The following CYS1 variants were observed in gnomAD, a reference collection of about 807,000 sequenced individuals.
The protein encoded by CYS1 is cystin 1, also known as cystin-1.
CYS1 carries 5 observed loss-of-function variants against 9.6 expected under a neutral mutation model. The ratio of observed to expected loss-of-function variants is 0.52; its 90% CI spans 0.27 to 1.10. CYS1 has a LOEUF of 1.10. CYS1 is among the 50% of genes least tolerant of loss of function. CYS1 has a pLI of 0.11. For missense variants in CYS1, 221 were observed against 207.9 expected (o/e 1.06, Z -0.39); for synonymous variants, 88 against 95.7 (o/e 0.92, Z 0.47).
chr2:10,079,089 C>A (rs936839356), intron 1 of CYS1, among the ~76,000 whole-genome samples: 1 of 152,190 alleles, frequency 6.6e-6, no homozygotes, highest in African/African-American at 2.4e-5. Flanking sequence ...TCTTTAAAGA[C>A]CGTAAGGGAG....
At chr2:10,064,146 C>T (rs534616519) in intron 2 of CYS1, among the ~76,000 whole-genome samples, 1 of 152,178 alleles carries the variant, frequency 6.6e-6, no homozygotes, top group South Asian at 2.1e-4. Context: ...TTGCTTGAAC[C>T]CGGGTGGTGG....
intron 1 of CYS1, among the ~76,000 whole-genome samples, chr2:10,073,708 TG>T (rs1390498139): frequency 6.6e-6 from 1 of 152,208 alleles, no homozygotes; most frequent in Non-Finnish European, 1.5e-5. Context: ...AGTTAGGGTC[TG>T]CCCCAGCCCT....
chr2:10,064,714 A>T (rs534412299), intron 2 of CYS1, among the ~76,000 whole-genome samples: 1 of 150,808 alleles, frequency 6.6e-6, no homozygotes, highest in Admixed American at 6.6e-5. Context: ...TTATATTTTT[A>T]TTTATTTATT....
At chr2:10,065,826 A>T in intron 2 of CYS1, 78 bp downstream of exon 2, 2 of 1,422,554 alleles carry the variant, frequency 1.4e-6, no homozygotes. Context: ...AGTGGGGGAC[A>T]GGAGGGCTCT....
At chr2:10,071,901 GTGTA>G (rs1185388414) in intron 1 of CYS1, among the ~76,000 whole-genome samples, 1 of 152,300 alleles carries the variant, frequency 6.6e-6, no homozygotes, top group South Asian at 2.1e-4. Context: ...CTGTTTGTAT[GTGTA>G]TGTTTGTGTG....
intron 1 of CYS1, among the ~76,000 whole-genome samples, chr2:10,075,691 G>A (rs753822429): frequency 3.9e-5 from 6 of 152,136 alleles, no homozygotes; most frequent in Non-Finnish European, 7.3e-5. Flanking sequence ...AGAATTATCC[G>A]GATGCTCCAT....
intron 2 of CYS1, among the ~76,000 whole-genome samples, chr2:10,061,669 G>A (rs984268398): frequency 6.6e-6 from 1 of 152,224 alleles, no homozygotes; most frequent in African/African-American, 2.4e-5. Flanking sequence ...ACTGGCGCAA[G>A]GGAAGCTGAC....
intron 1 of CYS1, among the ~76,000 whole-genome samples, chr2:10,075,211 T>C (rs528767125): frequency 1.3e-5 from 2 of 152,188 alleles, no homozygotes; most frequent in Non-Finnish European, 2.9e-5. Flanking sequence ...TGGAACACAT[T>C]AGTGATCCTT....
At chr2:10,066,219 G>A (rs1013631076) in intron 1 of CYS1, among the ~76,000 whole-genome samples, 3 of 152,316 alleles carry the variant, frequency 2.0e-5, no homozygotes, top group East Asian at 1.9e-4. Context: ...CCTCCCAGAC[G>A]GCCACCCATG....
chr2:10,080,118 G>A lies in CYS1; in HGVS notation c.106C>T (p.Arg36Trp), dbSNP rs769316705. The change falls in exon 1 of 3, where the codon CGG becomes TGG. Residue 36 changes from arginine to tryptophan, a missense_variant. By Grantham distance (101) the Arg-to-Trp change is moderately radical. Transcript: ENST00000381813. This position sits in a 1 kb window ranked among gnomAD's most constrained non-coding sequence, Gnocchi z 6.4. ...TCGGCCGCCGCCACCGGCACCCGCC[G>A]GCGGGTCCCGCCCTCCAGGGCTGCC... The part of the protein sequence containing the change: ...GAAALEGGTR[R>W]RVPVAAAEVP... 9.7e-7 allele frequency: 1 copy of A among 1,027,572 alleles called. No individual in the cohort carries two copies. The highest frequency in any genetic ancestry group is 1.2e-6 in the Non-Finnish European group (1 of 858,938). The allele number at this position is 1,027,572 out of a possible 1,614,324, so 63.7% of individuals were successfully genotyped here. A position where few individuals can be genotyped will look rare whatever the true frequency, so the allele number is the denominator to read the frequency against.
At chr2:10,062,906 C>CA (rs1409509224) in intron 2 of CYS1, among the ~76,000 whole-genome samples, 2 of 152,216 alleles carry the variant, frequency 1.3e-5, no homozygotes, top group Non-Finnish European at 2.9e-5. Context: ...CAGCTGCAGA[C>CA]AGAAGTTTCT....
intron 2 of CYS1, among the ~76,000 whole-genome samples, chr2:10,062,056 G>GA (rs1375598905): frequency 4.0e-5 from 6 of 151,630 alleles, no homozygotes; most frequent in Admixed American, 6.6e-5. Flanking sequence ...CACCCAGGCT[G>GA]AAATGCAGTG....
At chr2:10,067,288 G>C (rs964006399) in intron 1 of CYS1, among the ~76,000 whole-genome samples, 1 of 152,012 alleles carries the variant, frequency 6.6e-6, no homozygotes, top group Non-Finnish European at 1.5e-5. Flanking sequence ...AAAGTGCTGG[G>C]ATTACAGGCG....
chr2:10,074,565 G>A (rs1661817345), intron 1 of CYS1, among the ~76,000 whole-genome samples: 2 of 152,198 alleles, frequency 1.3e-5, no homozygotes, highest in Admixed American at 6.5e-5. Context: ...AAAGAGTTGG[G>A]AGGAAGGGAA....
At chr2:10,066,253 G>A (rs1436105019) in intron 1 of CYS1, among the ~76,000 whole-genome samples, 1 of 150,460 alleles carries the variant, frequency 6.6e-6, no homozygotes, top group Non-Finnish European at 1.5e-5. Context: ...TCACCCCCAG[G>A]GGTCATGTGA....
At chr2:10,059,979 G>T (rs1056925735) in intron 2 of CYS1, among the ~76,000 whole-genome samples, 2 of 152,288 alleles carry the variant, frequency 1.3e-5, no homozygotes, top group African/African-American at 4.8e-5. Context: ...GGACACCTGG[G>T]TGGTGCTGAC....
intron 2 of CYS1, among the ~76,000 whole-genome samples, chr2:10,065,614 T>C (rs910184650): frequency 3.3e-5 from 5 of 152,246 alleles, no homozygotes; most frequent in African/African-American, 9.6e-5. Context: ...CTGAATATTT[T>C]TGAATGAGTT....
At chr2:10,066,093 G>A (rs557354010) in intron 1 of CYS1, 137 bp from the exon 2 acceptor site, 31 of 942,582 alleles carry the variant, frequency 3.3e-5, no homozygotes, top group Admixed American at 1.4e-4. Flanking sequence ...AAAGGCTCTC[G>A]AGCTGTCAAG....
At chr2:10,066,154 C>T (rs542085294) in intron 1 of CYS1, among the ~76,000 whole-genome samples, 198 bp from the exon 2 acceptor site, 6 of 152,316 alleles carry the variant, frequency 3.9e-5, no homozygotes, top group African/African-American at 4.8e-5. Context: ...AAAAAGAAAG[C>T]GACTTGGAAA....
Sources: gnomAD v4.1 joint callset for allele counts (sites outside exome capture counted in the v4.1 genomes callset) on GRCh38, gnomAD v4.1.1 for gene constraint, Gnocchi (gnomAD v3.1) non-coding constraint, MANE v1.5 for transcripts, NCBI Gene and HGNC (gene_info 2026-07-23, HGNC 2026-07-21) for gene names.